The following WDFY3 variants were observed in gnomAD, a reference collection of about 807,000 sequenced individuals.
WDFY3 encodes WD repeat and FYVE domain containing 3.
Under a neutral mutation model 409.6 loss-of-function variants are expected in WDFY3, and 66 were observed. The observed-to-expected ratio is 0.16, with a 90% confidence interval of 0.13 to 0.20. WDFY3 has a LOEUF of 0.20. Among genes scored for constraint, WDFY3 ranks in the 10% least tolerant of loss-of-function variants. WDFY3 has a pLI of 1.00. For missense variants in WDFY3, 3,031 were observed against 4,298.1 expected (o/e 0.71, Z 8.24); for synonymous variants, 1,521 against 1,537.1 (o/e 0.99, Z 0.25).
chr4:84,687,844 C>T (rs1728587597), intron 62 of WDFY3: 2 of 379,752 alleles, frequency 5.3e-6, no homozygotes, highest in South Asian at 8.3e-5. Context: ...TGGTTCACCC[C>T]TCCTTAGGCA....
Position 84,717,036 on chromosome 4 carries a change from A to G in WDFY3, c.7755-20T>C. ...TGCATACTACAGGCAGCCAAGAGAA[A>G]AAGCAAATAAAAACACAGCAAGGGA... On this transcript the variant is annotated intron_variant, in intron 48 of 67. Coordinates refer to ENST00000295888, the MANE Select transcript of WDFY3 (RefSeq NM_014991.6). The G allele has an allele frequency of 6.5e-7, 1 of 1,543,762 alleles. No individual in the cohort carries two copies. Among genetic ancestry groups the G allele is most frequent in the African/African-American group, 1.4e-5 (1 of 71,878 alleles).
Position 84,821,179 on chromosome 4 carries a change from A to G in WDFY3, c.1496T>C (p.Val499Ala). The G allele has an allele frequency of 6.2e-7, 1 of 1,613,804 alleles. No individual in the cohort carries two copies. The highest frequency in any genetic ancestry group is 8.5e-7 in the Non-Finnish European group (1 of 1,179,832). Residue 499 changes from valine (V) to alanine (A), a missense_variant, in exon 11 of 68, where the codon GTG becomes GCG. Around this residue, in one of 16 missense-constraint regions of WDFY3, gnomAD observed 1,322 missense variants for 1,697.9 expected, o/e 0.78. Coordinates refer to ENST00000295888, the MANE Select transcript of WDFY3 (RefSeq NM_014991.6). The part of the protein sequence containing the change: ...FTRHDYIFKD[V>A]FREVGLLEVM... ...CTCCAAAAGGCCAACCTCCCTGAAC[A>G]CGTCTTTAAATATGTAGTCATGTCT...
In WDFY3 at chr4:84,873,900, G is replaced by A. The variant is rs144042604; in HGVS notation, c.-31-13278C>T. ...TGTACTTAGGTAATTCTCCTGTCTC[G>A]GCCTCCCTAGTACAAGGCTACAGGC... On this transcript the variant is annotated intron_variant, in intron 3 of 67. Coordinates refer to ENST00000295888, the MANE Select transcript of WDFY3 (RefSeq NM_014991.6). Among the ~76,000 whole-genome samples, 510 of 151,566 alleles carry A rather than the reference G, an allele frequency of 3.4e-3. 6 individuals carry two copies. Among genetic ancestry groups the A allele is most frequent in the African/African-American group, 0.012 (493 of 41,362 alleles).
intron 2 of WDFY3, among the ~76,000 whole-genome samples, chr4:84,930,118 C>T (rs1770568104): frequency 6.6e-6 from 1 of 152,144 alleles, no homozygotes; most frequent in Non-Finnish European, 1.5e-5. Flanking sequence ...ATTTAAGCCA[C>T]CCACTTCTTA....
intron 2 of WDFY3, among the ~76,000 whole-genome samples, chr4:84,907,655 T>A (rs2150703788): frequency 6.6e-6 from 1 of 152,308 alleles, no homozygotes; most frequent in East Asian, 1.9e-4. Flanking sequence ...TAATAAATGC[T>A]TGGCTTTTCT....
intron 64 of WDFY3, among the ~76,000 whole-genome samples, chr4:84,680,502 C>G (rs1727178589): frequency 6.6e-6 from 1 of 152,146 alleles, no homozygotes; most frequent in Non-Finnish European, 1.5e-5. Context: ...GAATTTTGTT[C>G]TTCTTCCTCT....
chr4:84,807,332 T>C (rs1751683314), intron 15 of WDFY3, among the ~76,000 whole-genome samples: 1 of 152,188 alleles, frequency 6.6e-6, no homozygotes, highest in African/African-American at 2.4e-5. Flanking sequence ...CCATAGTTTG[T>C]TGTGCAAAGT....
At chr4:84,884,487 T>A (rs766359642) in intron 3 of WDFY3, among the ~76,000 whole-genome samples, 1 of 151,900 alleles carries the variant, frequency 6.6e-6, no homozygotes, top group Non-Finnish European at 1.5e-5. Context: ...TTAAATAACA[T>A]GGGAAAAAAG....
chr4:84,832,258 C>T (rs965362282), intron 7 of WDFY3, among the ~76,000 whole-genome samples: 1 of 151,974 alleles, frequency 6.6e-6, no homozygotes, highest in Non-Finnish European at 1.5e-5. Flanking sequence ...ATATTGAATG[C>T]TTTCATTCAT....
At position 84,831,518 on chromosome 4, in the gene WDFY3, A is replaced by T; in HGVS notation, c.664T>A (p.Ser222Thr). The change falls in exon 8 of 68, where the codon TCT (serine) becomes ACT (threonine). Residue 222 changes from serine (S) to threonine (T), a missense_variant. Around this residue, in one of 16 missense-constraint regions of WDFY3, gnomAD observed 1,322 missense variants for 1,697.9 expected, o/e 0.78. Coordinates refer to ENST00000295888, the MANE Select transcript of WDFY3 (RefSeq NM_014991.6). ...GGCAGGTTATAGGGAGGGCACCAAG[A>T]GGTTATTGCACTGAATAGAAGCTGG... ...DLQLLFSAIT[S>T]WCPPYNLPWR... The T allele has an allele frequency of 6.2e-7, 1 of 1,614,148 alleles. No homozygotes were observed. The highest frequency in any genetic ancestry group is 8.5e-7 in the Non-Finnish European group (1 of 1,180,012).
chr4:84,904,704 A>G (rs1055408451), intron 2 of WDFY3, among the ~76,000 whole-genome samples: 9 of 152,194 alleles, frequency 5.9e-5, no homozygotes, highest in Non-Finnish European at 1.2e-4. Context: ...TAGAGTTTCT[A>G]GGGCTGTTCT....
chr4:84,867,470 T>G (rs1272863411), intron 3 of WDFY3, among the ~76,000 whole-genome samples: 1 of 152,232 alleles, frequency 6.6e-6, no homozygotes, highest in Non-Finnish European at 1.5e-5. Flanking sequence ...GAACTGGCTT[T>G]CTAATACAAA....
At chr4:84,891,925 C>T (rs944713144) in intron 3 of WDFY3, among the ~76,000 whole-genome samples, 1 of 151,800 alleles carries the variant, frequency 6.6e-6, no homozygotes, top group African/African-American at 2.4e-5. Flanking sequence ...CTTCAGTTCA[C>T]ATCAGTAATA....
chr4:84,714,942 T>A (rs1252664193), intron 50 of WDFY3, among the ~76,000 whole-genome samples: 1 of 140,612 alleles, frequency 7.1e-6, no homozygotes. Context: ...AGAACGAGAC[T>A]CCGTCTCAAA....
intron 54 of WDFY3, among the ~76,000 whole-genome samples, chr4:84,704,728 T>C (rs994040455): frequency 1.3e-5 from 2 of 152,238 alleles, no homozygotes; most frequent in African/African-American, 2.4e-5. Context: ...CCCTTAATAG[T>C]AGACCATCTT....
chr4:84,875,683 T>C (rs1358108560), intron 3 of WDFY3, among the ~76,000 whole-genome samples: 2 of 152,232 alleles, frequency 1.3e-5, no homozygotes, highest in Admixed American at 1.3e-4. Flanking sequence ...ATATCATTAT[T>C]CTATAAGCAT....
At chr4:84,902,264 A>G (rs189381879) in intron 2 of WDFY3, among the ~76,000 whole-genome samples, 127 of 152,350 alleles carry the variant, frequency 8.3e-4, no homozygotes, top group African/African-American at 2.9e-3. Flanking sequence ...GAATTAATCA[A>G]AAGGTAAATT....
In WDFY3 at chr4:84,919,222, T is replaced by A. The variant is rs575835148; in HGVS notation, c.-132+13048A>T. Among the ~76,000 whole-genome samples the A allele has an allele frequency of 3.7e-4, 57 of 152,140 alleles. No individual in the cohort carries two copies. In the South Asian group the frequency reaches 0.012, roughly 31 times the overall value. ...GCATTAAGGGAAAAATAGGAAACCA[T>A]AAATTCAAATCAACAATAAATAAAA... On this transcript the variant is annotated intron_variant, in intron 2 of 67. Transcript: ENST00000295888.
intron 2 of WDFY3, among the ~76,000 whole-genome samples, chr4:84,903,932 T>C (rs1766669494): frequency 6.6e-6 from 1 of 152,184 alleles, no homozygotes; most frequent in Non-Finnish European, 1.5e-5. Flanking sequence ...CCTGCCCGCC[T>C]GCCTGCTATG....
Sources: gnomAD v4.1 joint callset for allele counts (sites outside exome capture counted in the v4.1 genomes callset) on GRCh38, gnomAD v4.1.1 for gene constraint, gnomAD v4.1.1 regional missense constraint, MANE v1.5 for transcripts, NCBI Gene and HGNC (gene_info 2026-07-23, HGNC 2026-07-21) for gene names.